Variants in MYRFL observed in about 807,000 individuals in gnomAD.
MYRFL encodes the protein myelin regulatory factor like, also known as myelin regulatory factor-like protein.
Under a neutral mutation model 109.4 loss-of-function variants are expected in MYRFL, and 88 were observed. That is an observed-to-expected ratio of 0.80 (90% CI 0.68 to 0.96). The LOEUF (loss-of-function observed/expected upper bound fraction) is 0.96, where lower values mean the gene tolerates loss of function less well. Ranked by LOEUF, MYRFL falls within the 40% of genes least tolerant of loss-of-function variation. The probability of loss-of-function intolerance (pLI) is 0.00; values close to 1 mark genes in which losing one functional copy is unlikely to be tolerated. For synonymous variants in MYRFL, 324 were observed against 320.9 expected, an observed-to-expected ratio of 1.01 and a Z score of -0.10; for missense variants, 957 against 954.9, an observed-to-expected ratio of 1.00 and a Z score of -0.03.
At position 69,907,535 on chromosome 12, in the gene MYRFL, A is replaced by AG. The variant is rs145829508; in HGVS notation, c.1384-2430dup. On this transcript the variant is annotated intron_variant, in intron 11 of 24. Transcript: ENST00000552032. ...AATAGGGATTGGGCATAGGACTCAC[A>AG]GGGGCCTATGGCTGAGGAACTGGGT... Among the ~76,000 whole-genome samples the AG allele has an allele frequency of 4.9e-3, 745 of 152,292 alleles. 11 individuals carry two copies. Among genetic ancestry groups the AG allele is most frequent in the African/African-American group, 0.017 (699 of 41,560 alleles).
intron 13 of MYRFL, among the ~76,000 whole-genome samples, chr12:69,915,325 C>T (rs933792073): frequency 6.6e-6 from 1 of 152,104 alleles, no homozygotes. Flanking sequence ...GAAGGTACAG[C>T]CTCTCCATTC....
chr12:69,896,986 C>CT (rs1009080447), intron 9 of MYRFL, among the ~76,000 whole-genome samples, 170 bp from the exon 10 acceptor site: 5 of 152,240 alleles, frequency 3.3e-5, no homozygotes, highest in African/African-American at 1.2e-4. Flanking sequence ...ATCAACTACT[C>CT]TCTTGTTTCA....
At chr12:69,935,950 G>A in intron 16 of MYRFL, 163 bp from the exon 17 acceptor site, 1 of 752,670 alleles carries the variant, frequency 1.3e-6, no homozygotes, top group Non-Finnish European at 2.1e-6. Context: ...AACTGTGCTG[G>A]TTTCCATGGT....
intron 16 of MYRFL, among the ~76,000 whole-genome samples, chr12:69,934,214 G>A (rs899073016): frequency 2.0e-5 from 3 of 152,202 alleles, no homozygotes; most frequent in African/African-American, 7.2e-5. Context: ...CATCTACTTG[G>A]CCCGCTGTGG....
chr12:69,933,636 G>A (rs1242505795), intron 16 of MYRFL, among the ~76,000 whole-genome samples: 11 of 152,068 alleles, frequency 7.2e-5, no homozygotes, highest in African/African-American at 2.7e-4. Context: ...ACTGCCCACT[G>A]TAGGGAGATA....
Position 69,897,196 on chromosome 12 carries a change from G to T in MYRFL, c.1132G>T (p.Asp378Tyr). 6.5e-7 allele frequency: 1 copy of T among 1,535,822 alleles called. No individual in the cohort carries two copies. Among genetic ancestry groups the T allele is most frequent in the Non-Finnish European group, 8.7e-7 (1 of 1,146,686 alleles). ...GGTTGGACTGTATGCTGCTAACCAA[G>T]ACCAGTTCTATCTGTTGTCTGCCCA... ...LVVGLYAANQ[D>Y]QFYLLSAHIS... The change falls in exon 10 of 25, where the codon GAC (aspartate) becomes TAC (tyrosine). Residue 378 changes from aspartate to tyrosine, a missense_variant. By Grantham distance (160) the Asp-to-Tyr change is radical. Coordinates refer to ENST00000552032, the MANE Select transcript of MYRFL (RefSeq NM_182530.3).
intron 2 of MYRFL, among the ~76,000 whole-genome samples, chr12:69,856,644 T>C (rs1884304793): frequency 6.6e-6 from 1 of 152,054 alleles, no homozygotes; most frequent in Non-Finnish European, 1.5e-5. Context: ...ATTTTTCTAA[T>C]AACTAATGAT....
At position 69,842,924 on chromosome 12, in the gene MYRFL, C is replaced by T. The variant is rs114254573; in HGVS notation, c.47-12356C>T. On this transcript the variant is annotated intron_variant, in intron 1 of 24. Coordinates refer to ENST00000552032, the MANE Select transcript of MYRFL (RefSeq NM_182530.3). Reference sequence around the variant, plus strand: ...CTTGTCCCTCTCACTGGACCGTGAGCTTGTTTCTGATTTTATTTCAGGACA... The same window carrying T: ...CTTGTCCCTCTCACTGGACCGTGAGTTTGTTTCTGATTTTATTTCAGGACA... Among the ~76,000 whole-genome samples the T allele has an allele frequency of 7.5e-3, 1,145 of 152,302 alleles. 7 individuals are homozygous for T. Among genetic ancestry groups the T allele is most frequent in the African/African-American group, 0.023 (960 of 41,570 alleles).
intron 5 of MYRFL, among the ~76,000 whole-genome samples, chr12:69,885,018 G>A (rs1343119174): frequency 6.6e-6 from 1 of 152,060 alleles, no homozygotes; most frequent in Non-Finnish European, 1.5e-5. Flanking sequence ...TTTCTTCATT[G>A]TAGGAGAGAG....
At chr12:69,869,107 A>G (rs754530883) in intron 2 of MYRFL, among the ~76,000 whole-genome samples, 7 of 152,272 alleles carry the variant, frequency 4.6e-5, no homozygotes, top group African/African-American at 1.7e-4. Context: ...AATACTTTAA[A>G]TAACAACCAT....
intron 2 of MYRFL, among the ~76,000 whole-genome samples, chr12:69,868,795 C>T (rs1885159778): frequency 6.6e-6 from 1 of 152,258 alleles, no homozygotes; most frequent in African/African-American, 2.4e-5. Flanking sequence ...GTGCCTGTCA[C>T]AGTCTCCCCA....
intron 19 of MYRFL, among the ~76,000 whole-genome samples, chr12:69,940,639 A>C (rs145137918): frequency 0.12 from 17,584 of 152,052 alleles, 1,386 homozygotes; most frequent in Middle Eastern, 0.21. Context: ...CGAGCAAAAT[A>C]ACCAGCTAAC....
intron 7 of MYRFL, among the ~76,000 whole-genome samples, chr12:69,891,854 G>A (rs1219929523): frequency 6.6e-6 from 1 of 151,570 alleles, no homozygotes; most frequent in African/African-American, 2.4e-5. Flanking sequence ...TGCTGGCTGT[G>A]TTTGTAGAGA....
At chr12:69,907,697 T>C (rs1954411535) in intron 11 of MYRFL, among the ~76,000 whole-genome samples, 1 of 152,242 alleles carries the variant, frequency 6.6e-6, no homozygotes, top group African/African-American at 2.4e-5. Context: ...TCAAAAATTT[T>C]AGGTGCCTAT....
intron 15 of MYRFL, among the ~76,000 whole-genome samples, chr12:69,931,837 G>GTA (rs1268684286): frequency 1.3e-5 from 2 of 152,164 alleles, no homozygotes; most frequent in African/African-American, 4.8e-5. Context: ...ATACCAATAT[G>GTA]TATCAGTCCT....
At chr12:69,847,694 T>G (rs1377632669) in intron 1 of MYRFL, among the ~76,000 whole-genome samples, 1 of 152,090 alleles carries the variant, frequency 6.6e-6, no homozygotes, top group African/African-American at 2.4e-5. Context: ...GAAAAAAGCT[T>G]TAGTACTATG....
At chr12:69,846,691 A>G (rs1356656364) in intron 1 of MYRFL, among the ~76,000 whole-genome samples, 2 of 152,192 alleles carry the variant, frequency 1.3e-5, no homozygotes, top group Non-Finnish European at 2.9e-5. Flanking sequence ...AGCATGATTT[A>G]TGGTCCTTTG....
rs185191635 is a variant in MYRFL at position 69,863,214 on chromosome 12, T to C, written c.137+7844T>C. Among the ~76,000 whole-genome samples the C allele has an allele frequency of 2.2e-3, 331 of 152,282 alleles. 2 individuals carry two copies. The Middle Eastern group carries it at 0.027, about 13-fold the overall frequency. On this transcript the variant is annotated intron_variant, in intron 2 of 24. Transcript: ENST00000552032. ...AAGGATATTGGTCTAAAATTCTCTT[T>C]TTTGGTTGTGTCTCTGCCCGGCGTT...
At chr12:69,866,474 C>T (rs182034969) in intron 2 of MYRFL, among the ~76,000 whole-genome samples, 44 of 152,216 alleles carry the variant, frequency 2.9e-4, no homozygotes, top group Non-Finnish European at 6.2e-4. Flanking sequence ...GGTATTTATG[C>T]AGGTTAGTTT....
Sources: gnomAD v4.1 joint callset for allele counts (sites outside exome capture counted in the v4.1 genomes callset) on GRCh38, gnomAD v4.1.1 for gene constraint, MANE v1.5 for transcripts, NCBI Gene and HGNC (gene_info 2026-07-23, HGNC 2026-07-21) for gene names.